The following MTUS1 variants were observed in gnomAD, a reference collection of about 807,000 sequenced individuals.
MTUS1 encodes the protein microtubule-associated tumor suppressor 1.
In MTUS1, 109 loss-of-function variants were observed where a neutral mutation model predicts 120.8. That is an observed-to-expected ratio of 0.90 (90% CI 0.77 to 1.06). The LOEUF is 1.06. MTUS1 is among the 50% of genes least tolerant of loss of function. MTUS1 has a pLI of 0.00. For missense variants in MTUS1, 2,210 were observed against 1,486.3 expected, an observed-to-expected ratio of 1.49 and a Z score of -8.01; for synonymous variants, 737 against 550.5, an observed-to-expected ratio of 1.34 and a Z score of -4.74.
rs74754090 is a variant in MTUS1, at chr8:17,684,448, C to A, written c.2718G>T (p.Thr906=). 31 of 1,613,962 alleles carry A rather than the reference C, an allele frequency of 1.9e-5. No homozygotes were observed. Among genetic ancestry groups the A allele is most frequent in the Non-Finnish European group, 2.5e-5 (29 of 1,179,974 alleles). ...GGTTTTCACATTTTGTTTTATATTG[C>A]GTCAATTCAAGTGTTTTCTCAGGGG... ...ALPPEKTLEL[T]QYKTKCENQS... The change falls in exon 7 of 15, where the codon ACG becomes ACT. Residue 906 remains threonine, a synonymous_variant. Transcript: ENST00000693296.
intron 6 of MTUS1, among the ~76,000 whole-genome samples, chr8:17,711,108 T>C (rs572791374): frequency 6.6e-6 from 1 of 152,318 alleles, no homozygotes; most frequent in Non-Finnish European, 1.5e-5. Context: ...TTTAACGTAA[T>C]TCTTAAGGGC....
At chr8:17,702,473 A>G (rs1819288092) in intron 6 of MTUS1, among the ~76,000 whole-genome samples, 1 of 152,188 alleles carries the variant, frequency 6.6e-6, no homozygotes, top group Admixed American at 6.5e-5. Flanking sequence ...AACTGTAGGC[A>G]CAATGCTGTA....
At chr8:17,726,756 T>G (rs2046254963) in intron 3 of MTUS1, among the ~76,000 whole-genome samples, 1 of 152,168 alleles carries the variant, frequency 6.6e-6, no homozygotes, top group African/African-American at 2.4e-5. Context: ...AAACAGATTT[T>G]TAGAATATAA....
intron 4 of MTUS1, chr8:17,722,416 A>C (rs949819712): frequency 1.0e-6 from 1 of 985,364 alleles, no homozygotes. Flanking sequence ...ACACGTGTGA[A>C]TTACCTTTTC....
rs762598927 is a variant in MTUS1 at position 17,723,843 on chromosome 8, T to TA, written c.2288-11dup. ...AAGGATGTAGGCTTTCCTTGGGGTT[T>TA]AAAAAAAACAAAAAGTTTCCAGTGC... On this transcript the variant is annotated splice_polypyrimidine_tract_variant and intron_variant, in intron 3 of 14. Transcript: ENST00000693296. The TA allele has an allele frequency of 5.3e-5, 81 of 1,537,080 alleles. 2 individuals are homozygous for TA. Among genetic ancestry groups the TA allele is most frequent in the South Asian group, 8.7e-5 (7 of 80,298 alleles).
intron 3 of MTUS1, among the ~76,000 whole-genome samples, chr8:17,724,851 T>A (rs1350122880): frequency 6.6e-6 from 1 of 152,222 alleles, no homozygotes; most frequent in African/African-American, 2.4e-5. Flanking sequence ...AGGCTACTCA[T>A]GTTTTAAAGT....
chr8:17,654,830 T>C, intron 9 of MTUS1, 164 bp from the exon 10 acceptor site: 1 of 605,320 alleles, frequency 1.7e-6, no homozygotes, highest in Non-Finnish European at 2.9e-6. Flanking sequence ...GGTTCACACT[T>C]GTAACCTCAG....
At chr8:17,688,580 T>G (rs918233327) in intron 6 of MTUS1, among the ~76,000 whole-genome samples, 2 of 152,218 alleles carry the variant, frequency 1.3e-5, no homozygotes, top group African/African-American at 4.8e-5. Flanking sequence ...TTTTCTGCCT[T>G]AATCTAATCG....
intron 3 of MTUS1, chr8:17,734,236 G>A (rs947933881): frequency 1.2e-4 from 18 of 152,250 alleles, no homozygotes; most frequent in African/African-American, 2.4e-4. Flanking sequence ...AAGTAAATAC[G>A]TTGCAGAACA....
At chr8:17,697,073 TA>T (rs1818116118) in intron 6 of MTUS1, among the ~76,000 whole-genome samples, 1 of 152,232 alleles carries the variant, frequency 6.6e-6, no homozygotes, top group South Asian at 2.1e-4. Context: ...CTGCCAAAAG[TA>T]AAAGTACTAT....
chr8:17,760,639 G>A (rs2048969805), intron 1 of MTUS1, among the ~76,000 whole-genome samples: 1 of 152,094 alleles, frequency 6.6e-6, no homozygotes, highest in African/African-American at 2.4e-5. Context: ...TGCACCACTT[G>A]CTCGACATAT....
chr8:17,690,537 C>G (rs1011636388), intron 6 of MTUS1, among the ~76,000 whole-genome samples: 1 of 152,106 alleles, frequency 6.6e-6, no homozygotes, highest in Non-Finnish European at 1.5e-5. Context: ...TGCTGGGTAT[C>G]TTCCCAAAGG....
rs1212962826 is a variant in MTUS1 at position 17,754,606 on chromosome 8, G to A, written c.1202C>T (p.Pro401Leu). ...HTSELILSSP[P>L]GQKVGSSFGL... ...AAATGACGAGCCCACCTTTTGTCCTGGCGGGCTACTTAGAATCAATTCTGA... is the reference window on the plus strand; with the variant it reads ...AAATGACGAGCCCACCTTTTGTCCTAGCGGGCTACTTAGAATCAATTCTGA... Residue 401 changes from proline (P) to leucine (L), a missense_variant, in exon 2 of 15, where the codon CCA becomes CTA. By Grantham distance (98) the Pro-to-Leu change is moderately conservative. Coordinates refer to ENST00000693296, the MANE Select transcript of MTUS1 (RefSeq NM_001363059.2). The A allele has an allele frequency of 6.2e-7, 1 of 1,614,134 alleles. No individual in the cohort carries two copies. The highest frequency in any genetic ancestry group is 8.5e-7 in the Non-Finnish European group (1 of 1,180,024).
rs181323894 is a variant in MTUS1, at chr8:17,726,555, T to A, written c.2288-2722A>T. Among the ~76,000 whole-genome samples the A allele has an allele frequency of 3.9e-5, 6 of 152,338 alleles. No homozygotes were observed. In the East Asian group the frequency reaches 1.2e-3, roughly 29 times the overall value. On this transcript the variant is annotated intron_variant, in intron 3 of 14. Coordinates refer to ENST00000693296, the MANE Select transcript of MTUS1 (RefSeq NM_001363059.2). ...AACAGTAAATGATGTATTTTGATAA[T>A]GTGTTCTCCCATCATCTATACTGAA...
At chr8:17,746,942 A>G (rs1586130950) in intron 2 of MTUS1, among the ~76,000 whole-genome samples, 1 of 152,156 alleles carries the variant, frequency 6.6e-6, no homozygotes, top group Non-Finnish European at 1.5e-5. Flanking sequence ...CAGGCACCCA[A>G]CTTCAACAAT....
intron 6 of MTUS1, among the ~76,000 whole-genome samples, chr8:17,706,499 A>T (rs912557098): frequency 2.0e-5 from 3 of 152,230 alleles, no homozygotes; most frequent in Non-Finnish European, 2.9e-5. Flanking sequence ...TAACATTTTA[A>T]ACTATTATGT....
intron 8 of MTUS1, among the ~76,000 whole-genome samples, chr8:17,660,484 G>A (rs184214699): frequency 1.9e-4 from 29 of 152,268 alleles, no homozygotes; most frequent in African/African-American, 6.3e-4. Context: ...GAATAATGCT[G>A]CTATGAACAC....
At chr8:17,724,721 T>C (rs577734358) in intron 3 of MTUS1, among the ~76,000 whole-genome samples, 17 of 152,332 alleles carry the variant, frequency 1.1e-4, no homozygotes, top group Non-Finnish European at 2.1e-4. Flanking sequence ...TCTTTCGCTC[T>C]TAACCCTCCT....
Position 17,675,185 on chromosome 8 carries a change from C to A in MTUS1, c.2905+1G>T. The A allele has an allele frequency of 6.2e-7, 1 of 1,614,084 alleles. No individual in the cohort carries two copies. The highest frequency in any genetic ancestry group is 8.5e-7 in the Non-Finnish European group (1 of 1,179,964). ...TAACAACAACAACAAAAAGCTCTTA[C>A]CTAGCTCTCCCCGGAGGTTAACAAG... On this transcript the variant is annotated splice_donor_variant, in intron 8 of 14. Transcript: ENST00000693296. LOFTEE classifies it high-confidence loss of function.
Sources: gnomAD v4.1 joint callset for allele counts (sites outside exome capture counted in the v4.1 genomes callset) on GRCh38, gnomAD v4.1.1 for gene constraint, MANE v1.5 for transcripts, NCBI Gene and HGNC (gene_info 2026-07-23, HGNC 2026-07-21) for gene names.